Variants in SLC6A4 observed in about 807,000 individuals in gnomAD.
SLC6A4 encodes solute carrier family 6 member 4.
Under a neutral mutation model 73.4 loss-of-function variants are expected in SLC6A4, and 22 were observed. The observed-to-expected ratio is 0.30, with a 90% CI of 0.21 to 0.43. The LOEUF (loss-of-function observed/expected upper bound fraction) is 0.43, where lower values mean the gene tolerates loss of function less well. Ranked by LOEUF, SLC6A4 falls within the 20% of genes least tolerant of loss-of-function variation. The pLI is 1.00. For synonymous variants in SLC6A4, 270 were observed against 315.5 expected (o/e 0.86, Z 1.53); for missense variants, 593 against 808.5 (o/e 0.73, Z 3.23).
At chr17:30,207,599 C>A in intron 13 of SLC6A4, 133 bp downstream of exon 13, 2 of 598,052 alleles carry the variant, frequency 3.3e-6, no homozygotes, top group Non-Finnish European at 5.9e-6. Context: ...CCATGTTGGC[C>A]GCCTGCCTCA....
intron 14 of SLC6A4, among the ~76,000 whole-genome samples, chr17:30,198,871 G>A (rs915543774): frequency 6.6e-6 from 1 of 152,118 alleles, no homozygotes; most frequent in African/African-American, 2.4e-5. Context: ...CTGGACAGAG[G>A]AGACTTCTGC....
intron 14 of SLC6A4, among the ~76,000 whole-genome samples, chr17:30,202,091 GA>G (rs375876360): frequency 5.1e-4 from 78 of 151,778 alleles, no homozygotes; most frequent in African/African-American, 1.7e-3. Context: ...GACCTTGTCT[GA>G]AAAAAAAGAA....
At chr17:30,218,365 GA>G in intron 4 of SLC6A4, 28 bp from the exon 5 acceptor site, 1 of 1,583,188 alleles carries the variant, frequency 6.3e-7, no homozygotes, top group East Asian at 2.2e-5. Context: ...TGGAGAGACA[GA>G]GGCCGAGTTT....
At chr17:30,204,246 TAAA>T (rs991561184) in intron 13 of SLC6A4, 1 of 152,222 alleles carries the variant, frequency 6.6e-6, no homozygotes, top group African/African-American at 2.4e-5. Context: ...TTCACAGTCA[TAAA>T]GAAGACAGTA....
chr17:30,220,532 C>A (rs1383703055), intron 3 of SLC6A4, among the ~76,000 whole-genome samples: 6 of 152,160 alleles, frequency 3.9e-5, no homozygotes, highest in Admixed American at 3.9e-4. Flanking sequence ...GCCAGCCATG[C>A]GTGGTTTGAG....
At chr17:30,228,871 G>A (rs1907004566) in intron 1 of SLC6A4, among the ~76,000 whole-genome samples, 1 of 152,198 alleles carries the variant, frequency 6.6e-6, no homozygotes, top group Admixed American at 6.5e-5. Flanking sequence ...GGAAGCAGGG[G>A]CTATGGCTAC....
intron 7 of SLC6A4, 91 bp from the exon 8 acceptor site, chr17:30,215,805 G>T (rs1446383670): frequency 3.5e-6 from 4 of 1,126,906 alleles, no homozygotes; most frequent in East Asian, 4.7e-5. Flanking sequence ...CCTCCATGTG[G>T]CTAAGTGCAG....
rs140698 is a variant in SLC6A4, at chr17:30,218,442, T to G, written c.479-105A>C. The G allele has an allele frequency of 5.4e-3, 4,571 of 840,980 alleles. 16 individuals are homozygous for G. The highest frequency in any genetic ancestry group is 7.7e-3 in the Non-Finnish European group (4,028 of 520,832). The allele number at this position is 840,980 out of a possible 1,614,324, so 52.1% of individuals were successfully genotyped here. ...AGAGCCCCGCAGCCCAGCAGAGGGG[T>G]ACACGTGGGTGCTGCCCTCCATTCC... On this transcript the variant is annotated intron_variant, in intron 4 of 14. Coordinates refer to ENST00000650711, the MANE Select transcript of SLC6A4 (RefSeq NM_001045.6).
rs147631918 is a variant in SLC6A4 at position 30,203,380 on chromosome 17, T to C, written c.1651-41A>G. 379 of 1,545,322 alleles carry C rather than the reference T, an allele frequency of 2.5e-4. 1 individual carries two copies. In the African/African-American group the frequency reaches 4.6e-3, roughly 19 times the overall value. On this transcript the variant is annotated intron_variant, in intron 13 of 14. Coordinates refer to ENST00000650711, the MANE Select transcript of SLC6A4 (RefSeq NM_001045.6). The stretch of plus-strand genomic sequence containing the variant: ...CAAGAAACATTAAAAACCTTAACAA[T>C]ATCCACTCAGATAGAGATGTTTCCG...
chr17:30,214,661 C>T (rs1323003697), intron 8 of SLC6A4, among the ~76,000 whole-genome samples: 9 of 127,680 alleles, frequency 7.0e-5, no homozygotes, highest in South Asian at 4.9e-4. Context: ...TTGATGGAAT[C>T]TCACTCTGTC....
At chr17:30,224,590 TC>T (rs1475878103) in intron 1 of SLC6A4, among the ~76,000 whole-genome samples, 1 of 152,130 alleles carries the variant, frequency 6.6e-6, no homozygotes, top group Non-Finnish European at 1.5e-5. Flanking sequence ...AAATAGAAGC[TC>T]CAATTGCATC....
intron 9 of SLC6A4, 21 bp downstream of exon 9, chr17:30,212,719 G>A (rs1906425145): frequency 1.2e-6 from 2 of 1,612,416 alleles, no homozygotes; most frequent in Non-Finnish European, 1.7e-6. Context: ...CAAGGGACCT[G>A]CATAGAACCC....
At chr17:30,212,008 C>T (rs1436022758) in intron 9 of SLC6A4, among the ~76,000 whole-genome samples, 1 of 152,132 alleles carries the variant, frequency 6.6e-6, no homozygotes, top group Non-Finnish European at 1.5e-5. Context: ...GCCAAAGATA[C>T]AAGCATGCTA....
chr17:30,223,702 T>G (rs993389705), intron 1 of SLC6A4, among the ~76,000 whole-genome samples: 7 of 152,174 alleles, frequency 4.6e-5, no homozygotes, highest in Non-Finnish European at 8.8e-5. Flanking sequence ...GGTAGACGTC[T>G]TGGGCTGTAC....
chr17:30,211,411 G>A lies in SLC6A4; in HGVS notation c.1218C>T (p.Leu406=), dbSNP rs199502172. 4.0e-5 allele frequency: 65 copies of A among 1,612,330 alleles called. No homozygotes were observed. Among genetic ancestry groups the A allele is most frequent in the Non-Finnish European group, 5.3e-5 (62 of 1,178,504 alleles). Reference sequence around the variant, plus strand: ...CTATCGCTTCTGCATACGTGATGAAGAGGAGGCTGGGACCTGAGACAGAGG... The same window carrying A: ...CTATCGCTTCTGCATACGTGATGAAAAGGAGGCTGGGACCTGAGACAGAGG... ...EVAKDAGPSL[L]FITYAEAIAN... Residue 406 remains leucine, a synonymous_variant, in exon 10 of 15, where the codon CTC becomes CTT. Transcript: ENST00000650711. The surrounding 1 kb of genome is among the most constrained non-coding windows in gnomAD (Gnocchi z 4.0).
chr17:30,221,589 C>T (rs753936474), intron 3 of SLC6A4, 27 bp downstream of exon 3: 11 of 1,585,808 alleles, frequency 6.9e-6, no homozygotes, highest in Non-Finnish European at 8.6e-6. Flanking sequence ...TGGGTCACAG[C>T]CTCTACTCGC....
chr17:30,213,806 G>C (rs940316023), intron 8 of SLC6A4, among the ~76,000 whole-genome samples: 28 of 152,056 alleles, frequency 1.8e-4, no homozygotes, highest in Non-Finnish European at 4.0e-4. Flanking sequence ...AAGTGCAGTG[G>C]CATGAACACA....
chr17:30,220,715 C>G (rs1195615464), intron 3 of SLC6A4, among the ~76,000 whole-genome samples: 1 of 152,132 alleles, frequency 6.6e-6, no homozygotes, highest in African/African-American at 2.4e-5. Flanking sequence ...GCAGGCCTAC[C>G]CTCGTGGACT....
intron 1 of SLC6A4, 35 bp from the exon 2 acceptor site, chr17:30,222,950 G>A (rs1401700034): frequency 1.3e-6 from 1 of 795,684 alleles, no homozygotes; most frequent in Non-Finnish European, 1.9e-6. Context: ...CTGATGCTGG[G>A]GTGGTTGGTG....
Sources: allele counts gnomAD v4.1 joint callset (sites outside exome capture counted in the v4.1 genomes callset), GRCh38; gene constraint gnomAD v4.1.1; non-coding constraint Gnocchi (gnomAD v3.1); transcripts MANE v1.5; gene names NCBI Gene and HGNC (gene_info 2026-07-23, HGNC 2026-07-21).